The following PRMT7 variants were observed in gnomAD, a reference collection of about 807,000 sequenced individuals.
PRMT7 encodes protein arginine methyltransferase 7.
Under a neutral mutation model 85.4 loss-of-function variants are expected in PRMT7, and 75 were observed. That is an observed-to-expected ratio of 0.88 (90% CI 0.73 to 1.06). The LOEUF (loss-of-function observed/expected upper bound fraction) is 1.06. Among genes scored for constraint, PRMT7 ranks in the 50% least tolerant of loss-of-function variants. The pLI, the probability that PRMT7 is intolerant of heterozygous loss-of-function variation, is 0.00. For missense variants in PRMT7, 868 were observed against 915.2 expected, an observed-to-expected ratio of 0.95 and a Z score of 0.67; for synonymous variants, 397 against 359.5, an observed-to-expected ratio of 1.10 and a Z score of -1.18.
chr16:68,328,050 AATTATT>A (rs2083339547), intron 5 of PRMT7: 1 of 200,862 alleles, frequency 5.0e-6, no homozygotes, highest in South Asian at 5.8e-5. Flanking sequence ...TTAATTTATA[AATTATT>A]ATTTATATTT....
In PRMT7 at chr16:68,357,090, G is replaced by T; in HGVS notation, c.1945G>T (p.Val649Phe). The change falls in exon 19 of 19, where the codon GTC (valine) becomes TTC (phenylalanine). Residue 649 changes from valine to phenylalanine, a missense_variant. By Grantham distance (50) the Val-to-Phe change is conservative. Transcript: ENST00000441236. ...CTGGAACCCCCACTGCAAGCAGGCC[G>T]TCTACTTCTTCAGCCCTGCCCCAGA... ...CCWNPHCKQA[V>F]YFFSPAPDPR... The T allele has an allele frequency of 6.2e-7, 1 of 1,612,956 alleles. No homozygotes were observed. Among genetic ancestry groups the T allele is most frequent in the South Asian group, 1.1e-5 (1 of 90,964 alleles).
chr16:68,353,745 C>CT (rs1012514112), intron 16 of PRMT7, among the ~76,000 whole-genome samples, 179 bp downstream of exon 16: 3 of 152,206 alleles, frequency 2.0e-5, no homozygotes, highest in African/African-American at 7.2e-5. Flanking sequence ...TGGCTCCGTG[C>CT]TGTCACCCTG....
chr16:68,352,015 C>G (rs1304786225), intron 14 of PRMT7: 1 of 459,522 alleles, frequency 2.2e-6, no homozygotes, highest in Non-Finnish European at 3.9e-6. Flanking sequence ...GTAATCTTTA[C>G]AGCCTCCAGG....
At chr16:68,340,890 A>G (rs77085380) in intron 9 of PRMT7, among the ~76,000 whole-genome samples, 2,049 of 152,358 alleles carry the variant, frequency 0.013, 62 homozygotes, top group African/African-American at 0.046. Flanking sequence ...CTCTCTGTGC[A>G]CTGATGTGGG....
intron 3 of PRMT7, among the ~76,000 whole-genome samples, chr16:68,317,919 CA>C (rs1388934549): frequency 6.6e-6 from 1 of 151,538 alleles, no homozygotes; most frequent in Admixed American, 6.6e-5. Context: ...GAGTGTGGTA[CA>C]AAAGTACTAT....
chr16:68,323,009 G>C (rs1010283487), intron 4 of PRMT7, among the ~76,000 whole-genome samples: 4 of 151,934 alleles, frequency 2.6e-5, no homozygotes, highest in African/African-American at 9.7e-5. Context: ...ACTCCAGCCT[G>C]GGCGACAGGG....
chr16:68,325,082 G>A (rs2082946818), intron 5 of PRMT7, among the ~76,000 whole-genome samples: 1 of 152,236 alleles, frequency 6.6e-6, no homozygotes, highest in African/African-American at 2.4e-5. Flanking sequence ...TACAGGCTGG[G>A]CACAGTGGCT....
At chr16:68,353,680 G>A (rs1046918481) in intron 16 of PRMT7, 114 bp downstream of exon 16, 1 of 971,646 alleles carries the variant, frequency 1.0e-6, no homozygotes, top group African/African-American at 1.7e-5. Flanking sequence ...GTGAGGTCAG[G>A]TGCTGCCATT....
intron 16 of PRMT7, 137 bp from the exon 17 acceptor site, chr16:68,355,586 C>A: frequency 1.1e-6 from 1 of 926,982 alleles, no homozygotes; most frequent in Non-Finnish European, 1.5e-6. Flanking sequence ...CGCCGCTGGT[C>A]TGCTGGGCGC....
rs181084983 is a variant in PRMT7 at position 68,347,531 on chromosome 16, G to A, written c.1276-100G>A. 817 of 1,329,328 alleles carry A rather than the reference G, an allele frequency of 6.1e-4. 4 individuals carry two copies. The Middle Eastern group carries it at 0.017, about 27-fold the overall frequency. The allele number at this position is 1,329,328 out of a possible 1,614,324, so 82.3% of individuals were successfully genotyped here. On this transcript the variant is annotated intron_variant, in intron 12 of 18. Coordinates refer to ENST00000441236, the MANE Select transcript of PRMT7 (RefSeq NM_019023.5). ...AATGAGGGCAGGGAGGGTTGTTCAG[G>A]TGTGTCCTCTGTCTTAGGATGGTCT...
intron 14 of PRMT7, 169 bp from the exon 15 acceptor site, chr16:68,352,079 G>A: frequency 1.5e-6 from 1 of 645,446 alleles, no homozygotes; most frequent in South Asian, 2.0e-5. Flanking sequence ...GGGAGGGAGG[G>A]ACTGATGAGG....
chr16:68,352,079 G>T (rs960357001), intron 14 of PRMT7, 169 bp from the exon 15 acceptor site: 5 of 645,328 alleles, frequency 7.7e-6, no homozygotes, highest in Non-Finnish European at 7.9e-6. Flanking sequence ...GGGAGGGAGG[G>T]ACTGATGAGG....
chr16:68,337,381 T>C lies in PRMT7; in HGVS notation c.392-78T>C, dbSNP rs2084860550. On this transcript the variant is annotated intron_variant, in intron 6 of 18. Coordinates refer to ENST00000441236, the MANE Select transcript of PRMT7 (RefSeq NM_019023.5). ...TTTAGCGTGATGGCCCCTTAACCAC[T>C]TATCTTTCCCATATTTGCTGTAAAT... The C allele has an allele frequency of 3.0e-6, 3 of 1,014,534 alleles. No individual in the cohort carries two copies. In the East Asian group the frequency reaches 7.4e-5, roughly 25 times the overall value. The allele number at this position is 1,014,534 out of a possible 1,614,324, so 62.8% of individuals were successfully genotyped here. A position where few individuals can be genotyped will look rare whatever the true frequency, so the allele number is the denominator to read the frequency against.
chr16:68,319,937 T>TA (rs888469928), intron 3 of PRMT7, among the ~76,000 whole-genome samples: 189 of 152,270 alleles, frequency 1.2e-3, no homozygotes, highest in African/African-American at 4.1e-3. Context: ...CAGTAGGAAA[T>TA]ATGGAGAAGT....
chr16:68,337,446 T>C lies in PRMT7; in HGVS notation c.392-13T>C. 1 of 1,587,110 alleles carries C rather than the reference T, an allele frequency of 6.3e-7. No individual in the cohort carries two copies. Among genetic ancestry groups the C allele is most frequent in the Non-Finnish European group, 8.6e-7 (1 of 1,161,106 alleles). ...GTTGCTTATGTCCAACTCTGTTTTC[T>C]TGTGTTTTTCAGAGGGTGACATGCC... On this transcript the variant is annotated splice_polypyrimidine_tract_variant and intron_variant, in intron 6 of 18. Coordinates refer to ENST00000441236, the MANE Select transcript of PRMT7 (RefSeq NM_019023.5).
At chr16:68,318,999 A>C (rs1490547009) in intron 3 of PRMT7, 2 of 152,228 alleles carry the variant, frequency 1.3e-5, no homozygotes, top group Non-Finnish European at 2.9e-5. Context: ...GAGTTTGGTA[A>C]CTCACTGGAT....
At chr16:68,322,987 T>C (rs2082673072) in intron 4 of PRMT7, among the ~76,000 whole-genome samples, 1 of 151,858 alleles carries the variant, frequency 6.6e-6, no homozygotes, top group African/African-American at 2.4e-5. Flanking sequence ...TGAGCCGAGA[T>C]TGCACCACTG....
chr16:68,322,312 A>G, intron 4 of PRMT7: 2 of 400,662 alleles, frequency 5.0e-6, no homozygotes, highest in South Asian at 3.7e-5. Flanking sequence ...CGATCCCCCA[A>G]CCTCAGCCTT....
intron 4 of PRMT7, 114 bp downstream of exon 4, chr16:68,321,576 G>C: frequency 1.0e-6 from 1 of 995,110 alleles, no homozygotes. Context: ...GAGGCGTATG[G>C]TGTAGAAGTC....
Sources: allele counts gnomAD v4.1 joint callset (sites outside exome capture counted in the v4.1 genomes callset), GRCh38; gene constraint gnomAD v4.1.1; transcripts MANE v1.5; gene names NCBI Gene and HGNC (gene_info 2026-07-23, HGNC 2026-07-21).